Variants in RHOBTB1 observed in about 807,000 individuals in gnomAD.
RHOBTB1 encodes Rho related BTB domain containing 1, also known as rho-related BTB domain-containing protein 1.
A neutral mutation model predicts 71.6 loss-of-function variants in RHOBTB1; 40 were observed. The observed-to-expected ratio is 0.56, with a 90% confidence interval of 0.43 to 0.73. The LOEUF (loss-of-function observed/expected upper bound fraction) is 0.73, where lower values mean the gene tolerates loss of function less well. Ranked by LOEUF, RHOBTB1 falls within the 30% of genes least tolerant of loss-of-function variation. The pLI is 0.00. For synonymous variants in RHOBTB1, 319 were observed against 334.9 expected, an observed-to-expected ratio of 0.95 and a Z score of 0.52; for missense variants, 797 against 894.0, an observed-to-expected ratio of 0.89 and a Z score of 1.38.
At chr10:60,865,601 C>T (rs1487029529), downstream of RHOBTB1, among the ~76,000 whole-genome samples, 1 of 152,210 alleles carries the variant, frequency 6.6e-6, no homozygotes, top group African/African-American at 2.4e-5. Flanking sequence ...CTTTCACAAT[C>T]AGGGAAGCCT....
chr10:60,943,329 T>C (rs1032080675), intron 1 of RHOBTB1, among the ~76,000 whole-genome samples: 6 of 152,200 alleles, frequency 3.9e-5, no homozygotes, highest in South Asian at 2.1e-4. Context: ...TCCACTTCTT[T>C]TCGGGGGGCA....
intron 4 of RHOBTB1, among the ~76,000 whole-genome samples, chr10:60,908,315 T>C (rs1320343686): frequency 1.3e-5 from 2 of 152,210 alleles, no homozygotes; most frequent in Non-Finnish European, 2.9e-5. Context: ...TCTCTCACTG[T>C]CACCACAAGA....
At position 60,872,239 on chromosome 10, in the gene RHOBTB1, T is replaced by G. The variant is rs777098850; in HGVS notation, c.1867A>C (p.Asn623His). 13 of 1,614,138 alleles carry G rather than the reference T, an allele frequency of 8.1e-6. No homozygotes were observed. The highest frequency in any genetic ancestry group is 9.3e-6 in the Non-Finnish European group (11 of 1,180,004). The change falls in exon 10 of 11, where the codon AAC (asparagine) becomes CAC (histidine). Residue 623 changes from asparagine to histidine, a missense_variant. Transcript: ENST00000337910. Reference protein sequence around the residue: ...AAWCLHHICTNYNSVCSKFRK... With the variant: ...AAWCLHHICTHYNSVCSKFRK... ...AACTTGGAGCATACACTGTTGTAGT[T>G]GGTGCAGATGTGGTGCAAACACCAG...
At chr10:60,938,854 G>A (rs2084748243) in intron 2 of RHOBTB1, among the ~76,000 whole-genome samples, 1 of 151,802 alleles carries the variant, frequency 6.6e-6, no homozygotes, top group Admixed American at 6.6e-5. Context: ...CTGTAAAATT[G>A]GAATTGATAA....
Position 60,913,741 on chromosome 10 carries a change from C to T in RHOBTB1, c.-10-2189G>A, listed in dbSNP as rs191040435. On this transcript the variant is annotated intron_variant, in intron 2 of 10. Transcript: ENST00000337910. Reference sequence around the variant, plus strand: ...TTACCCAGCCCCAAATGTTACAGGGCTGAGGTTGTGAAACCCTGCCTTAGA... The same window carrying T: ...TTACCCAGCCCCAAATGTTACAGGGTTGAGGTTGTGAAACCCTGCCTTAGA... 2.5e-4 allele frequency among the ~76,000 whole-genome samples: 38 copies of T among 152,272 alleles called. 1 individual carries two copies. The East Asian group carries it at 7.0e-3, about 28-fold the overall frequency.
intron 1 of RHOBTB1, among the ~76,000 whole-genome samples, chr10:60,990,294 G>GT (rs1294918949): frequency 1.3e-5 from 2 of 152,018 alleles, no homozygotes; most frequent in African/African-American, 4.8e-5. Flanking sequence ...ACCTCAGACT[G>GT]TTCTATGCCC....
chr10:60,949,196 G>C (rs2085332764), intron 2 of RHOBTB1, among the ~76,000 whole-genome samples: 1 of 152,154 alleles, frequency 6.6e-6, no homozygotes, highest in African/African-American at 2.4e-5. Flanking sequence ...TGCTAAAGTA[G>C]ATGCTTCTCC....
At chr10:60,956,996 A>G (rs2085618093) in intron 2 of RHOBTB1, among the ~76,000 whole-genome samples, 1 of 152,230 alleles carries the variant, frequency 6.6e-6, no homozygotes, top group African/African-American at 2.4e-5. Context: ...AGAATGTGCT[A>G]TCATGATTGA....
At chr10:60,923,170 C>G (rs2083666054) in intron 2 of RHOBTB1, among the ~76,000 whole-genome samples, 1 of 152,112 alleles carries the variant, frequency 6.6e-6, no homozygotes. Context: ...AAACAGAGAC[C>G]ATTCAACATA....
intron 2 of RHOBTB1, among the ~76,000 whole-genome samples, chr10:60,937,028 T>G (rs775309656): frequency 4.6e-5 from 7 of 152,162 alleles, no homozygotes; most frequent in Non-Finnish European, 1.0e-4. Context: ...GATAATATAG[T>G]CTATTCTAGG....
At position 60,878,093 on chromosome 10, in the gene RHOBTB1, A is replaced by C. The variant is rs1350292905; in HGVS notation, c.1576-35T>G. ...TATACAAAAAGCTAAATTCTGCTGC[A>C]GAAAGCAGGGAGTGGGCACATTTTC... is the stretch of plus-strand genomic sequence containing the variant. On this transcript the variant is annotated intron_variant, in intron 7 of 10. Coordinates refer to ENST00000337910, the MANE Select transcript of RHOBTB1 (RefSeq NM_014836.5). 4.4e-6 allele frequency: 7 copies of C among 1,586,762 alleles called. No individual in the cohort carries two copies. In the South Asian group the frequency reaches 7.9e-5, roughly 18 times the overall value.
intron 2 of RHOBTB1, among the ~76,000 whole-genome samples, chr10:60,927,011 A>G (rs1340137320): frequency 6.6e-6 from 1 of 152,246 alleles, no homozygotes; most frequent in Non-Finnish European, 1.5e-5. Context: ...CAGAACTGAT[A>G]AATAGTAAAG....
chr10:60,955,772 A>G (rs1228110803), intron 2 of RHOBTB1, among the ~76,000 whole-genome samples: 1 of 152,198 alleles, frequency 6.6e-6, no homozygotes, highest in Non-Finnish European at 1.5e-5. Flanking sequence ...ACAGGAACCC[A>G]TATGTGCATC....
intron 2 of RHOBTB1, among the ~76,000 whole-genome samples, chr10:60,916,459 T>A (rs1363236519): frequency 6.6e-6 from 1 of 152,226 alleles, no homozygotes; most frequent in African/African-American, 2.4e-5. Flanking sequence ...TGAGAAATCA[T>A]AAATCATTAC....
At chr10:60,867,258 A>AT (rs1193937313), downstream of RHOBTB1, among the ~76,000 whole-genome samples, 2 of 152,162 alleles carry the variant, frequency 1.3e-5, no homozygotes, top group Non-Finnish European at 2.9e-5. Context: ...GGATATATTT[A>AT]TTTTTTATCA....
rs2271126 is a variant in RHOBTB1, at chr10:60,911,547, G to A, written c.-5C>T. On this transcript the variant is annotated 5_prime_UTR_variant, in exon 3 of 11. Transcript: ENST00000337910. ...GTAGTCCATGTCAGCGTCCATTTAT[G>A]AAACTCTGTAAGAAGAGAGTGAACA... 283,188 of 1,612,242 alleles carry A rather than the reference G, an allele frequency of 0.18. 31,311 individuals are homozygous for A. Among genetic ancestry groups the A allele is most frequent in the African/African-American group, 0.54 (40,166 of 74,906 alleles).
intron 4 of RHOBTB1, 149 bp downstream of exon 4, chr10:60,910,738 T>G (rs1213070471): frequency 1.7e-6 from 1 of 573,566 alleles, no homozygotes; most frequent in African/African-American, 1.9e-5. Flanking sequence ...AATACCATTT[T>G]TTTTTCTTTT....
chr10:60,911,479 C>A lies in RHOBTB1; in HGVS notation c.64G>T (p.Asp22Tyr), dbSNP rs759262815. 6.2e-7 allele frequency: 1 copy of A among 1,614,204 alleles called. No individual in the cohort carries two copies. The highest frequency in any genetic ancestry group is 1.1e-5 in the South Asian group (1 of 91,084). The change falls in exon 3 of 11, where the codon GAC becomes TAC. Residue 22 changes from aspartate to tyrosine, a missense_variant. By Grantham distance (160) the Asp-to-Tyr change is radical. This residue lies in a region of RHOBTB1 where 139 missense variants were observed against 212.5 expected (regional missense o/e 0.65). Coordinates refer to ENST00000337910, the MANE Select transcript of RHOBTB1 (RefSeq NM_014836.5). ...VETIKCVVVG[D>Y]NAVGKTRLIC... Reference sequence around the variant, plus strand: ...AAGCGCGTCTTCCCCACGGCATTGTCACCCACGACCACACATTTGATAGTT... The same window carrying A: ...AAGCGCGTCTTCCCCACGGCATTGTAACCCACGACCACACATTTGATAGTT...
upstream of RHOBTB1, among the ~76,000 whole-genome samples, chr10:60,948,371 C>G (rs907527853): frequency 6.6e-6 from 1 of 152,172 alleles, no homozygotes; most frequent in African/African-American, 2.4e-5. Flanking sequence ...TAGAAAGGGT[C>G]TTTTCAGGTT....
Sources: gnomAD v4.1 joint callset for allele counts (sites outside exome capture counted in the v4.1 genomes callset) on GRCh38, gnomAD v4.1.1 for gene constraint, gnomAD v4.1.1 regional missense constraint, MANE v1.5 for transcripts, NCBI Gene and HGNC (gene_info 2026-07-23, HGNC 2026-07-21) for gene names.